TENM3: variants seen among roughly 807,000 people sequenced by gnomAD.
The protein encoded by TENM3 is teneurin-3.
In TENM3, 63 loss-of-function variants were observed where a neutral mutation model predicts 255.1. The ratio of observed to expected loss-of-function variants is 0.25; its 90% confidence interval spans 0.20 to 0.30. The LOEUF (loss-of-function observed/expected upper bound fraction) is 0.30. Ranked by LOEUF, TENM3 falls within the 10% of genes least tolerant of loss-of-function variation. The probability of loss-of-function intolerance (pLI) is 1.00; values close to 1 mark genes in which losing one functional copy is unlikely to be tolerated. For synonymous variants in TENM3, 1,306 were observed against 1,322.3 expected (o/e 0.99, Z 0.27); for missense variants, 2,929 against 3,461.1 (o/e 0.85, Z 3.86).
chr4:181,837,550 T>C, the TENM3 span, among the ~76,000 whole-genome samples: 1 of 152,196 alleles, frequency 6.6e-6, no homozygotes, highest in Admixed American at 6.5e-5. Flanking sequence ...ATCATCACCA[T>C]TTCAATTAAA....
At chr4:181,463,088 C>T in the TENM3 span, among the ~76,000 whole-genome samples, 1 of 152,216 alleles carries the variant, frequency 6.6e-6, no homozygotes, top group African/African-American at 2.4e-5. Context: ...TCTGATCTCT[C>T]TCTACAAGAC....
chr4:182,593,758 A>G (rs1746903704), intron 3 of TENM3, among the ~76,000 whole-genome samples: 1 of 152,142 alleles, frequency 6.6e-6, no homozygotes, highest in African/African-American at 2.4e-5. Flanking sequence ...TTCCTCCCAC[A>G]TGAACCGAGC....
chr4:182,067,885 AT>A, the TENM3 span, among the ~76,000 whole-genome samples: 172 of 148,820 alleles, frequency 1.2e-3, no homozygotes, highest in African/African-American at 3.8e-3. Flanking sequence ...TTTCAGGGTC[AT>A]TTTTTTTTTC....
intron 20 of TENM3, 56 bp downstream of exon 20, chr4:182,752,088 A>AAAAG: frequency 2.8e-6 from 3 of 1,078,932 alleles, no homozygotes; most frequent in Non-Finnish European, 3.9e-6. Flanking sequence ...AAAAAAAAAA[A>AAAAG]GGGGTTGAAA....
chr4:182,705,181 G>A (rs560898644), intron 12 of TENM3, among the ~76,000 whole-genome samples: 104 of 152,250 alleles, frequency 6.8e-4, no homozygotes, highest in African/African-American at 2.4e-3. Context: ...TTTGTAGACT[G>A]TAGCTTTTCT....
chr4:182,526,003 A>G (rs1231416363), intron 3 of TENM3, among the ~76,000 whole-genome samples: 3 of 152,130 alleles, frequency 2.0e-5, no homozygotes, highest in Non-Finnish European at 2.9e-5. Context: ...TTTTTGAGAC[A>G]GGGTCGTGCT....
the TENM3 span, among the ~76,000 whole-genome samples, chr4:181,771,552 G>A: frequency 6.6e-6 from 1 of 152,190 alleles, no homozygotes; most frequent in Non-Finnish European, 1.5e-5. Flanking sequence ...TGGATTGACT[G>A]AAACAATTCT....
chr4:182,684,333 C>A (rs1426405902), intron 11 of TENM3, among the ~76,000 whole-genome samples: 3 of 149,530 alleles, frequency 2.0e-5, no homozygotes, highest in Non-Finnish European at 3.0e-5. Flanking sequence ...TACTTTCCTG[C>A]CCACACTGAT....
intron 1 of TENM3, among the ~76,000 whole-genome samples, chr4:182,246,592 G>A (rs972630469): frequency 1.1e-4 from 16 of 152,186 alleles, no homozygotes; most frequent in Admixed American, 3.9e-4. Context: ...ATCCCATCAC[G>A]TAAGAATGTG....
At chr4:182,175,831 T>C (rs1752450908) in intron 1 of TENM3, among the ~76,000 whole-genome samples, 1 of 152,146 alleles carries the variant, frequency 6.6e-6, no homozygotes, top group Admixed American at 6.5e-5. Flanking sequence ...CGTGTGCACG[T>C]GGGTGCATGC....
At chr4:181,672,497 A>G in the TENM3 span, among the ~76,000 whole-genome samples, 2 of 152,156 alleles carry the variant, frequency 1.3e-5, no homozygotes, top group East Asian at 3.9e-4. Context: ...CACTTCCCTG[A>G]AAATCCTTGG....
chr4:181,644,456 G>T, the TENM3 span, among the ~76,000 whole-genome samples: 1 of 151,850 alleles, frequency 6.6e-6, no homozygotes, highest in Non-Finnish European at 1.5e-5. Context: ...TACTATAAGG[G>T]CATTTCACAT....
intron 2 of TENM3, among the ~76,000 whole-genome samples, chr4:182,343,197 C>A (rs1012002634): frequency 2.0e-5 from 3 of 152,170 alleles, no homozygotes; most frequent in South Asian, 2.1e-4. Flanking sequence ...TCCGAGCTAA[C>A]CTTGCCTTTT....
the TENM3 span, among the ~76,000 whole-genome samples, chr4:181,721,156 G>A: frequency 6.6e-5 from 10 of 152,104 alleles, no homozygotes; most frequent in Non-Finnish European, 2.9e-5. Flanking sequence ...ATGTACAAAG[G>A]CAGAGAGGCA....
chr4:182,005,981 T>C, the TENM3 span, among the ~76,000 whole-genome samples: 1 of 152,018 alleles, frequency 6.6e-6, no homozygotes, highest in Non-Finnish European at 1.5e-5. Context: ...GACAATGGGG[T>C]TTTCTAAACA....
At chr4:181,460,287 C>G in the TENM3 span, among the ~76,000 whole-genome samples, 1 of 151,854 alleles carries the variant, frequency 6.6e-6, no homozygotes, top group East Asian at 1.9e-4. Flanking sequence ...AATTTCCAAA[C>G]GTGCTAGGGT....
At chr4:182,404,932 G>T (rs992668708) in intron 3 of TENM3, among the ~76,000 whole-genome samples, 1 of 152,152 alleles carries the variant, frequency 6.6e-6, no homozygotes, top group African/African-American at 2.4e-5. Flanking sequence ...CGGTCACAGC[G>T]CTGACTCTCT....
the TENM3 span, among the ~76,000 whole-genome samples, chr4:181,956,931 C>A: frequency 1.9e-3 from 291 of 152,224 alleles, 3 homozygotes; most frequent in African/African-American, 6.7e-3. Flanking sequence ...AGCTACTGCC[C>A]TAGGATACTA....
intron 24 of TENM3, among the ~76,000 whole-genome samples, chr4:182,776,457 C>T (rs779405822): frequency 2.0e-4 from 30 of 152,244 alleles, no homozygotes; most frequent in Middle Eastern, 3.4e-3. Flanking sequence ...CTGACCCTAA[C>T]GCAGATAGCC....
Sources: allele counts gnomAD v4.1 joint callset (sites outside exome capture counted in the v4.1 genomes callset), GRCh38; gene constraint gnomAD v4.1.1; transcripts MANE v1.5; gene names NCBI Gene and HGNC (gene_info 2026-07-23, HGNC 2026-07-21).